Variants in EML6 observed in about 807,000 individuals in gnomAD.
The protein encoded by EML6 is echinoderm microtubule-associated protein-like 6.
In EML6, 154 loss-of-function variants were observed where a neutral mutation model predicts 240.1. That is an observed-to-expected ratio of 0.64 (90% confidence interval 0.56 to 0.73). The LOEUF is 0.73. Ranked by LOEUF, EML6 falls within the 30% of genes least tolerant of loss-of-function variation. The pLI is 0.00. For synonymous variants in EML6, 1,148 were observed against 899.0 expected (o/e 1.28, Z -4.95); for missense variants, 2,964 against 2,474.6 (o/e 1.20, Z -4.20).
intron 28 of EML6, among the ~76,000 whole-genome samples, chr2:54,946,090 G>A (rs1028422703): frequency 6.6e-6 from 1 of 152,176 alleles, no homozygotes; most frequent in African/African-American, 2.4e-5. Flanking sequence ...CCAGAGCTTC[G>A]GCCTGTGTGC....
At chr2:54,757,782 T>C (rs1355315649) in intron 2 of EML6, among the ~76,000 whole-genome samples, 1 of 152,142 alleles carries the variant, frequency 6.6e-6, no homozygotes, top group African/African-American at 2.4e-5. Flanking sequence ...TGGCTGCTTC[T>C]TTCTGACTTC....
At chr2:54,786,845 A>C (rs1669122290) in intron 2 of EML6, among the ~76,000 whole-genome samples, 1 of 152,102 alleles carries the variant, frequency 6.6e-6, no homozygotes, top group Non-Finnish European at 1.5e-5. Flanking sequence ...CCAAATATAT[A>C]CTGGACAAGT....
Position 54,903,392 on chromosome 2 carries a change from T to C in EML6, c.3299T>C (p.Val1100Ala). Residue 1100 changes from valine (V) to alanine (A), a missense_variant, in exon 24 of 42, where the codon GTG (valine) becomes GCG (alanine). Physicochemically the swap from Val to Ala is moderately conservative, Grantham distance 64. Coordinates refer to ENST00000356458, the MANE Select transcript of EML6 (RefSeq NM_001039753.4). ...ACAGATACGGGAAAATACCTTGCCG[T>C]GGCATCCCATGATAACTTTGTGGAT... ...FSKDTGKYLA[V>A]ASHDNFVDIY... The C allele has an allele frequency of 1.3e-6, 2 of 1,551,742 alleles. No individual in the cohort carries two copies. Among genetic ancestry groups the C allele is most frequent in the East Asian group, 4.9e-5 (2 of 40,910 alleles).
At chr2:54,825,698 C>T (rs943250542) in intron 5 of EML6, among the ~76,000 whole-genome samples, 2 of 152,140 alleles carry the variant, frequency 1.3e-5, no homozygotes, top group African/African-American at 4.8e-5. Context: ...TTCATTCTTG[C>T]CAAGGCATCC....
rs1485748259 is a variant in EML6 at position 54,853,850 on chromosome 2, A to G, written c.1652A>G (p.Lys551Arg). The G allele has an allele frequency of 6.5e-7, 1 of 1,549,168 alleles. No individual in the cohort carries two copies. Among genetic ancestry groups the G allele is most frequent in the African/African-American group, 1.4e-5 (1 of 73,132 alleles). ...AAATTGTTTAAATTTCCTTGTCTCA[A>G]GAGAGGTAAGGCCAAAAGAGATGTT... ...LVKLFKFPCL[K>R]RGAKFRKYVG... Residue 551 changes from lysine (K) to arginine (R), a missense_variant, in exon 11 of 42, where the codon AAG becomes AGG. By Grantham distance (26) the Lys-to-Arg change is conservative (BLOSUM62 2). Transcript: ENST00000356458.
intron 21 of EML6, among the ~76,000 whole-genome samples, chr2:54,897,466 C>T (rs570852977): frequency 6.6e-6 from 1 of 152,322 alleles, no homozygotes; most frequent in South Asian, 2.1e-4. Context: ...GATGAGGGAC[C>T]TAAAGCCCAG....
At chr2:54,888,205 T>C (rs949773464) in intron 17 of EML6, among the ~76,000 whole-genome samples, 1 of 152,132 alleles carries the variant, frequency 6.6e-6, no homozygotes, top group African/African-American at 2.4e-5. Context: ...CATGATCTGA[T>C]TGGATCTTAT....
At chr2:54,963,247 A>G (rs1349294291) in intron 36 of EML6, among the ~76,000 whole-genome samples, 1 of 152,228 alleles carries the variant, frequency 6.6e-6, no homozygotes, top group Non-Finnish European at 1.5e-5. Flanking sequence ...ATGGCTGGTA[A>G]GTGTTTGTTG....
rs563860954 is a variant in EML6 at position 54,934,446 on chromosome 2, G to A, written c.4004+5695G>A. Among the ~76,000 whole-genome samples the A allele has an allele frequency of 3.3e-5, 5 of 152,198 alleles. No individual in the cohort carries two copies. In the South Asian group the frequency reaches 1.0e-3, roughly 32 times the overall value. On this transcript the variant is annotated intron_variant, in intron 28 of 41. Transcript: ENST00000356458. The stretch of plus-strand genomic sequence containing the variant: ...GTCAATTTTTAGACATCTGCCAGGA[G>A]ACCCACATTTCAGGTCAATCTAAAT...
At chr2:54,885,756 C>T (rs926556843) in intron 17 of EML6, among the ~76,000 whole-genome samples, 26 of 151,840 alleles carry the variant, frequency 1.7e-4, no homozygotes, top group Admixed American at 1.0e-3. Flanking sequence ...GGACTACAGG[C>T]GCCAGCCACC....
At chr2:54,944,196 T>G (rs1305100623) in intron 28 of EML6, among the ~76,000 whole-genome samples, 1 of 152,158 alleles carries the variant, frequency 6.6e-6, no homozygotes, top group Non-Finnish European at 1.5e-5. Context: ...CATCTCTCAG[T>G]GGAACTTCCA....
At chr2:54,930,832 T>C (rs1336171386) in intron 28 of EML6, among the ~76,000 whole-genome samples, 1 of 151,968 alleles carries the variant, frequency 6.6e-6, no homozygotes, top group South Asian at 2.1e-4. Context: ...CAATAAATGA[T>C]GGCCAACTTA....
intron 25 of EML6, 121 bp from the exon 26 acceptor site, chr2:54,916,638 C>CA: frequency 1.5e-6 from 1 of 671,072 alleles, no homozygotes; most frequent in Non-Finnish European, 2.4e-6. Flanking sequence ...TGTACCTCAG[C>CA]ACTCAACACA....
rs1330178739 is a variant in EML6, at chr2:54,871,515, G to C, written c.2254G>C (p.Ala752Pro). 1.3e-6 allele frequency: 2 copies of C among 1,551,298 alleles called. No homozygotes were observed. Among genetic ancestry groups the C allele is most frequent in the Admixed American group, 3.9e-5 (2 of 50,998 alleles). ...VATGQVGRDA[A>P]IHVWDTQTLK... ...GTTATTTAAGGTTGGAAGAGATGCT[G>C]CTATTCATGTGTGGGACACACAAAC... is the stretch of plus-strand genomic sequence containing the variant. Residue 752 changes from alanine (A) to proline (P), a missense_variant, in exon 16 of 42, where the codon GCT becomes CCT. Transcript: ENST00000356458.
chr2:54,821,005 A>C (rs1046590585), intron 5 of EML6, among the ~76,000 whole-genome samples: 1 of 152,106 alleles, frequency 6.6e-6, no homozygotes, highest in Admixed American at 6.5e-5. Context: ...TATTTTGTTC[A>C]CAAGTAACAA....
chr2:54,952,992 T>C (rs1235658638), intron 31 of EML6, among the ~76,000 whole-genome samples: 1 of 152,188 alleles, frequency 6.6e-6, no homozygotes, highest in Non-Finnish European at 1.5e-5. Flanking sequence ...TCCGTGTCTT[T>C]TGAAGCTGGT....
At chr2:54,955,098 C>A (rs1174054831) in intron 32 of EML6, among the ~76,000 whole-genome samples, 1 of 152,230 alleles carries the variant, frequency 6.6e-6, no homozygotes, top group Non-Finnish European at 1.5e-5. Context: ...TACCATATTC[C>A]TTCAGAAGGT....
chr2:54,889,247 T>C (rs1672325216), intron 17 of EML6, among the ~76,000 whole-genome samples: 1 of 152,106 alleles, frequency 6.6e-6, no homozygotes, highest in African/African-American at 2.4e-5. Context: ...CACTCTGCTT[T>C]TCTGTTTCCG....
intron 2 of EML6, among the ~76,000 whole-genome samples, chr2:54,794,416 A>G (rs189703866): frequency 6.6e-6 from 1 of 152,270 alleles, no homozygotes; most frequent in East Asian, 1.9e-4. Flanking sequence ...CTTGCTGACC[A>G]TGTGATTTGA....
Sources: gnomAD v4.1 joint callset for allele counts (sites outside exome capture counted in the v4.1 genomes callset) on GRCh38, gnomAD v4.1.1 for gene constraint, MANE v1.5 for transcripts, NCBI Gene and HGNC (gene_info 2026-07-23, HGNC 2026-07-21) for gene names.